The following PKD1L1 variants were observed in gnomAD, a reference collection of about 807,000 sequenced individuals.
The protein encoded by PKD1L1 is polycystin-1-like protein 1.
In PKD1L1, 236 loss-of-function variants were observed where a neutral mutation model predicts 323.4. The ratio of observed to expected loss-of-function variants is 0.73; its 90% CI spans 0.66 to 0.81. PKD1L1 has a LOEUF of 0.81. Among genes scored for constraint, PKD1L1 ranks in the 40% least tolerant of loss-of-function variants. PKD1L1 has a pLI of 0.00. For synonymous variants in PKD1L1, 1,344 were observed against 1,335.0 expected (o/e 1.01, Z -0.15); for missense variants, 3,320 against 3,508.0 (o/e 0.95, Z 1.35).
At chr7:47,895,946 G>A (rs1176909552) in intron 14 of PKD1L1, among the ~76,000 whole-genome samples, 1 of 152,146 alleles carries the variant, frequency 6.6e-6, no homozygotes, top group African/African-American at 2.4e-5. Context: ...AAATCCTGTG[G>A]CAATGAGAAC....
rs1786171403 is a variant in PKD1L1 at position 47,866,465 on chromosome 7, T to C, written c.4046A>G (p.Gln1349Arg). 6.2e-7 allele frequency: 1 copy of C among 1,613,882 alleles called. No homozygotes were observed. Among genetic ancestry groups the C allele is most frequent in the South Asian group, 1.1e-5 (1 of 90,962 alleles). The change falls in exon 25 of 57, where the codon CAG (glutamine) becomes CGG (arginine). Residue 1349 changes from glutamine to arginine, a missense_variant. Coordinates refer to ENST00000289672, the MANE Select transcript of PKD1L1 (RefSeq NM_138295.5). ...GCATACTGAAGAAATTAATGCATCC[T>C]GTATTCGTGACCATTGGTTGCAGGA... ...TASCNQWSRI[Q>R]DALISSVCRL...
At chr7:47,894,755 G>A (rs1786899356) in intron 14 of PKD1L1, among the ~76,000 whole-genome samples, 1 of 151,604 alleles carries the variant, frequency 6.6e-6, no homozygotes, top group Non-Finnish European at 1.5e-5. Context: ...GGAGGCAGAG[G>A]CACAAGAATC....
chr7:47,793,972 G>T (rs1056592517), intron 55 of PKD1L1, among the ~76,000 whole-genome samples: 2 of 152,202 alleles, frequency 1.3e-5, no homozygotes, highest in Admixed American at 1.3e-4. Flanking sequence ...GAACTTGAGA[G>T]AGATGATTTT....
chr7:47,839,756 G>T lies in PKD1L1; in HGVS notation c.5553-94C>A. The T allele has an allele frequency of 1.6e-6, 2 of 1,213,952 alleles. No homozygotes were observed. Among genetic ancestry groups the T allele is most frequent in the Non-Finnish European group, 2.3e-6 (2 of 859,344 alleles). 75.2% of individuals were successfully genotyped at this position (1,213,952 alleles called of 1,614,324 possible). On this transcript the variant is annotated intron_variant, in intron 35 of 56. Transcript: ENST00000289672. This position sits in a 1 kb window ranked among gnomAD's most constrained non-coding sequence, Gnocchi z 4.3. ...AATGCTCACCCTCAAGGCACTGATG[G>T]CCCACAGAGGGTGGATGGGACATGT... is the stretch of plus-strand genomic sequence containing the variant.
chr7:47,847,127 C>T, intron 31 of PKD1L1, 56 bp from the exon 32 acceptor site: 1 of 1,405,018 alleles, frequency 7.1e-7, no homozygotes, highest in Non-Finnish European at 9.5e-7. Context: ...GAAAGGCATT[C>T]TCCATTTCAA....
At chr7:47,850,999 G>A (rs1035719115) in intron 31 of PKD1L1, among the ~76,000 whole-genome samples, 1 of 152,150 alleles carries the variant, frequency 6.6e-6, no homozygotes, top group Non-Finnish European at 1.5e-5. Context: ...GTAGGAGAAT[G>A]GGGATCTGAA....
chr7:47,826,258 G>A (rs546933735), intron 45 of PKD1L1, among the ~76,000 whole-genome samples: 13 of 152,270 alleles, frequency 8.5e-5, no homozygotes, highest in Non-Finnish European at 1.8e-4. Context: ...AGTGCCTTTG[G>A]AGGTGTGTGT....
chr7:47,825,594 C>T (rs531979761), intron 45 of PKD1L1, among the ~76,000 whole-genome samples: 2 of 150,668 alleles, frequency 1.3e-5, no homozygotes, highest in Non-Finnish European at 1.5e-5. Flanking sequence ...TTTGTCACTG[C>T]CATTTTATTT....
At chr7:47,798,754 CAA>C (rs150292143) in intron 54 of PKD1L1, among the ~76,000 whole-genome samples, 1 of 131,666 alleles carries the variant, frequency 7.6e-6, no homozygotes. Context: ...GACTCTGTCT[CAA>C]AAAAAAAAAA....
At position 47,881,272 on chromosome 7, in the gene PKD1L1, C is replaced by G. The variant is rs192038897; in HGVS notation, c.3443-467G>C. Among the ~76,000 whole-genome samples the G allele has an allele frequency of 8.5e-5, 13 of 152,194 alleles. No homozygotes were observed. The East Asian group carries it at 2.3e-3, about 27-fold the overall frequency. ...TTCCTTAGCAGAGAGAGGCTGACCT[C>G]TCACTACTTACCCTGAAAAAAGGAG... is the stretch of plus-strand genomic sequence containing the variant. On this transcript the variant is annotated intron_variant, in intron 20 of 56. Coordinates refer to ENST00000289672, the MANE Select transcript of PKD1L1 (RefSeq NM_138295.5).
At chr7:47,844,349 T>A (rs1024880409) in intron 33 of PKD1L1, among the ~76,000 whole-genome samples, 1 of 152,126 alleles carries the variant, frequency 6.6e-6, no homozygotes, top group Admixed American at 6.6e-5. Flanking sequence ...GAGAAAAAAA[T>A]TTAACACTCA....
intron 46 of PKD1L1, among the ~76,000 whole-genome samples, chr7:47,815,854 G>C (rs898501102): frequency 8.0e-5 from 12 of 149,926 alleles, no homozygotes; most frequent in South Asian, 2.1e-4. Context: ...TATGAAGGAG[G>C]AAAAAAAAAA....
At chr7:47,814,097 G>C in intron 47 of PKD1L1, 83 bp from the exon 48 acceptor site, 1 of 1,114,176 alleles carries the variant, frequency 9.0e-7, no homozygotes, top group Non-Finnish European at 1.3e-6. Context: ...AAGGCGTGGG[G>C]CTCTGGGTAA....
intron 24 of PKD1L1, among the ~76,000 whole-genome samples, chr7:47,870,518 T>C (rs747451442): frequency 6.6e-5 from 10 of 152,042 alleles, no homozygotes; most frequent in Non-Finnish European, 1.3e-4. Flanking sequence ...GTAGATGAAA[T>C]GGAAAATTCC....
chr7:47,897,485 C>A (rs529635286), intron 14 of PKD1L1, among the ~76,000 whole-genome samples: 1 of 152,318 alleles, frequency 6.6e-6, no homozygotes, highest in East Asian at 1.9e-4. Flanking sequence ...CACCCTGTTT[C>A]TTGAAGCCTA....
the PKD1L1 span, among the ~76,000 whole-genome samples, chr7:47,955,425 G>T: frequency 6.6e-6 from 1 of 152,142 alleles, no homozygotes; most frequent in Non-Finnish European, 1.5e-5. Context: ...GAAAATACAT[G>T]CATGTACAAA....
chr7:47,817,756 G>A (rs2128731388), intron 46 of PKD1L1, among the ~76,000 whole-genome samples: 1 of 152,132 alleles, frequency 6.6e-6, no homozygotes, highest in South Asian at 2.1e-4. Flanking sequence ...TGTAGTCTCA[G>A]CTACTTGGGG....
In PKD1L1 at chr7:47,827,378, T is replaced by C. The variant is rs1227598584; in HGVS notation, c.6826A>G (p.Arg2276Gly). The C allele has an allele frequency of 6.2e-7, 1 of 1,613,062 alleles. No homozygotes were observed. The highest frequency in any genetic ancestry group is 1.3e-5 in the African/African-American group (1 of 74,934). Residue 2276 changes from arginine to glycine, a missense_variant, in exon 45 of 57, where the codon AGA becomes GGA. Coordinates refer to ENST00000289672, the MANE Select transcript of PKD1L1 (RefSeq NM_138295.5). ...AGGGCAGCCCGTGTGCGACTCTCTC[T>C]CCTCATCCTCTGTCTGGTGCCCCTC... is the stretch of plus-strand genomic sequence containing the variant. ...QLRGTRQRMR[R>G]ESRTRAALRD...
At chr7:47,902,631 T>A in intron 12 of PKD1L1, 120 bp from the exon 13 acceptor site, 1 of 1,250,564 alleles carries the variant, frequency 8.0e-7, no homozygotes, top group South Asian at 1.5e-5. Flanking sequence ...AGTCATCCCA[T>A]GAATAAGAAC....
Sources: gnomAD v4.1 joint callset for allele counts (sites outside exome capture counted in the v4.1 genomes callset) on GRCh38, gnomAD v4.1.1 for gene constraint, Gnocchi (gnomAD v3.1) non-coding constraint, MANE v1.5 for transcripts, NCBI Gene and HGNC (gene_info 2026-07-23, HGNC 2026-07-21) for gene names.